CRTC1: variants seen among roughly 807,000 people sequenced by gnomAD.
CRTC1 encodes CREB-regulated transcription coactivator 1.
Under a neutral mutation model 66.1 loss-of-function variants are expected in CRTC1, and 18 were observed. That is an observed-to-expected ratio of 0.27 (90% CI 0.19 to 0.40). The LOEUF (loss-of-function observed/expected upper bound fraction) is 0.40, where lower values mean the gene tolerates loss of function less well. CRTC1 is among the 10% of genes least tolerant of loss of function. The pLI is 1.00. For missense variants in CRTC1, 669 were observed against 887.9 expected (o/e 0.75, Z 3.13); for synonymous variants, 416 against 398.8 (o/e 1.04, Z -0.51).
intron 1 of CRTC1, among the ~76,000 whole-genome samples, chr19:18,708,075 G>C (rs1280375686): frequency 6.6e-6 from 1 of 152,206 alleles, no homozygotes; most frequent in East Asian, 1.9e-4. Flanking sequence ...GGGACATTAG[G>C]GGTGAGGTCC....
intron 9 of CRTC1, among the ~76,000 whole-genome samples, chr19:18,765,904 TGA>T (rs1258493053): frequency 6.6e-6 from 1 of 151,972 alleles, no homozygotes; most frequent in African/African-American, 2.4e-5. Context: ...GAGGCTGCAG[TGA>T]GCCATGATCA....
At chr19:18,764,937 A>C (rs1267099512) in intron 8 of CRTC1, among the ~76,000 whole-genome samples, 1 of 152,174 alleles carries the variant, frequency 6.6e-6, no homozygotes, top group Non-Finnish European at 1.5e-5. Flanking sequence ...GCCAAAAAAA[A>C]CCATTTATTG....
At chr19:18,770,025 C>T (rs2054826562) in intron 10 of CRTC1, among the ~76,000 whole-genome samples, 1 of 151,192 alleles carries the variant, frequency 6.6e-6, no homozygotes, top group Non-Finnish European at 1.5e-5. Flanking sequence ...TACCCCACCC[C>T]GCCCCACCTG....
chr19:18,738,240 C>T (rs1439540148), intron 1 of CRTC1, among the ~76,000 whole-genome samples: 1 of 152,154 alleles, frequency 6.6e-6, no homozygotes, highest in Non-Finnish European at 1.5e-5. Context: ...TCACCTGATC[C>T]TGGGAAGCCA....
chr19:18,740,991 C>T (rs1489898226), intron 1 of CRTC1, among the ~76,000 whole-genome samples: 2 of 152,074 alleles, frequency 1.3e-5, no homozygotes, highest in East Asian at 1.9e-4. Flanking sequence ...GGCAACAGAG[C>T]GAGACTCCAT....
At chr19:18,743,547 A>T (rs769257307) in intron 2 of CRTC1, among the ~76,000 whole-genome samples, 35 of 152,036 alleles carry the variant, frequency 2.3e-4, no homozygotes, top group Non-Finnish European at 4.7e-4. Context: ...GGAGATGGGG[A>T]TGGGGTGGGG....
intron 1 of CRTC1, among the ~76,000 whole-genome samples, chr19:18,692,638 C>T (rs1217324130): frequency 5.3e-5 from 8 of 150,012 alleles, no homozygotes; most frequent in Admixed American, 4.7e-4. Flanking sequence ...GGGTGTGCAG[C>T]GACCAGGTCC....
intron 1 of CRTC1, among the ~76,000 whole-genome samples, chr19:18,690,107 A>C (rs2052794970): frequency 7.0e-6 from 1 of 142,456 alleles, no homozygotes; most frequent in African/African-American, 2.6e-5. Flanking sequence ...GGAAGGGGGG[A>C]GTGTCGTCTG....
At chr19:18,714,266 G>A (rs994271195) in intron 1 of CRTC1, among the ~76,000 whole-genome samples, 11 of 151,240 alleles carry the variant, frequency 7.3e-5, no homozygotes, top group Admixed American at 6.9e-5. Context: ...GGGTCCAGGC[G>A]GGCGCACTCC....
chr19:18,732,203 T>A (rs2145682765), intron 1 of CRTC1, among the ~76,000 whole-genome samples: 1 of 152,342 alleles, frequency 6.6e-6, no homozygotes, highest in South Asian at 2.1e-4. Flanking sequence ...GTTGAAGCCT[T>A]CACCCCCAGC....
At chr19:18,684,023 C>T (rs2052626383) in intron 1 of CRTC1, among the ~76,000 whole-genome samples, 195 bp downstream of exon 1, 1 of 151,272 alleles carries the variant, frequency 6.6e-6, no homozygotes, top group Admixed American at 6.6e-5. Flanking sequence ...CAGGTGACCC[C>T]ACAAAATCCA....
chr19:18,767,848 C>T (rs552214271), intron 9 of CRTC1, among the ~76,000 whole-genome samples: 2 of 152,236 alleles, frequency 1.3e-5, no homozygotes, highest in African/African-American at 2.4e-5. Flanking sequence ...CTCCTGGGCA[C>T]GCTCAGCCTT....
chr19:18,765,110 C>T (rs562998170), intron 8 of CRTC1, among the ~76,000 whole-genome samples: 26 of 152,252 alleles, frequency 1.7e-4, no homozygotes, highest in Admixed American at 9.8e-4. Flanking sequence ...AGCCTGGTTA[C>T]ATGCCCATCT....
chr19:18,738,731 T>C (rs1351052379), intron 1 of CRTC1, among the ~76,000 whole-genome samples: 1 of 151,508 alleles, frequency 6.6e-6, no homozygotes, highest in African/African-American at 2.4e-5. Context: ...ACCCAGGAGG[T>C]AGAGGTTGCA....
intron 1 of CRTC1, among the ~76,000 whole-genome samples, chr19:18,729,318 CAG>C (rs1408628207): frequency 6.7e-6 from 1 of 149,874 alleles, no homozygotes; most frequent in Non-Finnish European, 1.5e-5. Context: ...CCCAGCTACT[CAG>C]GGGGCTGAGG....
At chr19:18,748,847 A>G (rs948307050) in intron 4 of CRTC1, among the ~76,000 whole-genome samples, 1 of 152,138 alleles carries the variant, frequency 6.6e-6, no homozygotes, top group Non-Finnish European at 1.5e-5. Context: ...CCAAGCCCGT[A>G]TCATAGGTCA....
At chr19:18,769,461 C>T (rs1004499359) in intron 10 of CRTC1, among the ~76,000 whole-genome samples, 4 of 152,236 alleles carry the variant, frequency 2.6e-5, no homozygotes, top group Admixed American at 6.5e-5. Flanking sequence ...CCCACTTGAC[C>T]CCGACTGCCA....
In CRTC1 at chr19:18,777,703, G is replaced by C; in HGVS notation, c.*321G>C. On this transcript the variant is annotated 3_prime_UTR_variant, in exon 14 of 14. Coordinates refer to ENST00000321949, the MANE Select transcript of CRTC1 (RefSeq NM_015321.3). This position sits in a 1 kb window ranked among gnomAD's most constrained non-coding sequence, Gnocchi z 5.5. ...GCCTGAGCCGTCCCCTGTAAGATGC[G>C]GGAAGTGTCAGCTCCCGGCGTGGCG... 5.2e-6 allele frequency: 2 copies of C among 386,998 alleles called. No individual in the cohort carries two copies. Among genetic ancestry groups the C allele is most frequent in the South Asian group, 3.1e-5 (1 of 32,376 alleles). 24.0% of individuals were successfully genotyped at this position (386,998 alleles called of 1,614,324 possible). A position where few individuals can be genotyped will look rare whatever the true frequency, so the allele number is the denominator to read the frequency against.
At chr19:18,759,814 C>G (rs1426756342) in intron 7 of CRTC1, among the ~76,000 whole-genome samples, 194 bp from the exon 8 acceptor site, 1 of 152,118 alleles carries the variant, frequency 6.6e-6, no homozygotes, top group Non-Finnish European at 1.5e-5. Context: ...CCAGGCCCCC[C>G]ACCGTCCTCA....
Sources: gnomAD v4.1 joint callset for allele counts (sites outside exome capture counted in the v4.1 genomes callset) on GRCh38, gnomAD v4.1.1 for gene constraint, Gnocchi (gnomAD v3.1) non-coding constraint, MANE v1.5 for transcripts, NCBI Gene and HGNC (gene_info 2026-07-23, HGNC 2026-07-21) for gene names.